The following RTN3 variants were observed in gnomAD, a reference collection of about 807,000 sequenced individuals.
RTN3 encodes the protein reticulon-3.
Under a neutral mutation model 77.8 loss-of-function variants are expected in RTN3, and 49 were observed. That is an observed-to-expected ratio of 0.63 (90% CI 0.50 to 0.80). The LOEUF is 0.80. RTN3 is among the 30% of genes least tolerant of loss of function. RTN3 has a pLI of 0.00. For synonymous variants in RTN3, 464 were observed against 446.9 expected, an observed-to-expected ratio of 1.04 and a Z score of -0.48; for missense variants, 1,236 against 1,211.9, an observed-to-expected ratio of 1.02 and a Z score of -0.29.
At chr11:63,693,380 A>G (rs1428994311) in intron 1 of RTN3, among the ~76,000 whole-genome samples, 1 of 151,996 alleles carries the variant, frequency 6.6e-6, no homozygotes, top group Non-Finnish European at 1.5e-5. Flanking sequence ...CTACTTGGGA[A>G]GGCTGAGGCA....
intron 3 of RTN3, among the ~76,000 whole-genome samples, chr11:63,725,717 G>A (rs1203496762): frequency 6.6e-6 from 1 of 152,190 alleles, no homozygotes; most frequent in Non-Finnish European, 1.5e-5. Context: ...CTCCCAAAGT[G>A]CTGGAATTAC....
At position 63,720,457 on chromosome 11, in the gene RTN3, A is replaced by G. The variant is rs760867386; in HGVS notation, c.1955A>G (p.Glu652Gly). ...AAACATATAGATGATTCCTCCCCAG[A>G]GGACCTGATAGCAGCCTTTACAGAA... ...NVKHIDDSSPEDLIAAFTETR... is the reference protein window; with the variant it reads ...NVKHIDDSSPGDLIAAFTETR... Residue 652 changes from glutamate (E) to glycine (G), a missense_variant, in exon 3 of 9, where the codon GAG (glutamate) becomes GGG (glycine). Glu to Gly is a moderately conservative substitution (Grantham distance 98). Coordinates refer to ENST00000377819, the MANE Select transcript of RTN3 (RefSeq NM_001265589.2). The G allele has an allele frequency of 6.2e-7, 1 of 1,613,460 alleles. No homozygotes were observed. The highest frequency in any genetic ancestry group is 1.7e-5 in the Admixed American group (1 of 59,938).
intron 8 of RTN3, among the ~76,000 whole-genome samples, chr11:63,756,656 C>CA (rs2014395689): frequency 6.6e-6 from 1 of 152,216 alleles, no homozygotes; most frequent in African/African-American, 2.4e-5. Context: ...GGCTGAAGTG[C>CA]AGTCTCGACC....
chr11:63,753,988 A>G (rs1287865150), intron 7 of RTN3, among the ~76,000 whole-genome samples: 1 of 152,210 alleles, frequency 6.6e-6, no homozygotes, highest in Non-Finnish European at 1.5e-5. Context: ...TGCAAAAGTA[A>G]TAAGTTGAAA....
chr11:63,697,209 A>G (rs1942004067), intron 1 of RTN3, among the ~76,000 whole-genome samples: 2 of 151,990 alleles, frequency 1.3e-5, no homozygotes, highest in African/African-American at 4.8e-5. Context: ...GAAAATTTTA[A>G]AAATAAGAAT....
chr11:63,696,937 T>A (rs1941985626), intron 1 of RTN3, among the ~76,000 whole-genome samples: 1 of 127,254 alleles, frequency 7.9e-6, no homozygotes, highest in South Asian at 2.7e-4. Context: ...CAGGCTGGAG[T>A]GCAGTGGCGT....
intron 3 of RTN3, among the ~76,000 whole-genome samples, chr11:63,723,983 G>T (rs1321115217): frequency 6.6e-6 from 1 of 152,052 alleles, no homozygotes; most frequent in African/African-American, 2.4e-5. Context: ...AAGAAAATCA[G>T]ATCCCTGCCT....
intron 4 of RTN3, 74 bp from the exon 5 acceptor site, chr11:63,752,433 A>G: frequency 6.9e-7 from 1 of 1,450,132 alleles, no homozygotes; most frequent in Non-Finnish European, 9.5e-7. Flanking sequence ...CCAATTTTAC[A>G]TTCTCAGTAA....
intron 3 of RTN3, among the ~76,000 whole-genome samples, chr11:63,734,750 CA>C (rs2012954498): frequency 6.7e-6 from 1 of 148,162 alleles, no homozygotes; most frequent in Non-Finnish European, 1.5e-5. Flanking sequence ...CACACACACA[CA>C]CACACACACA....
intron 5 of RTN3, 35 bp downstream of exon 5, chr11:63,752,680 G>A: frequency 1.2e-5 from 20 of 1,600,828 alleles, no homozygotes; most frequent in Admixed American, 1.7e-5. Context: ...TGGTAAAACA[G>A]AAAAAGCAGG....
At chr11:63,689,865 C>G (rs1167656317) in intron 1 of RTN3, among the ~76,000 whole-genome samples, 2 of 152,084 alleles carry the variant, frequency 1.3e-5, no homozygotes, top group African/African-American at 2.4e-5. Context: ...TCAAGCGATT[C>G]TCCTGCCTCA....
intron 2 of RTN3, among the ~76,000 whole-genome samples, chr11:63,709,805 A>G (rs1480086212): frequency 6.6e-6 from 1 of 152,190 alleles, no homozygotes; most frequent in Admixed American, 6.5e-5. Context: ...TCAAATGAAT[A>G]TGCATAGTAT....
At chr11:63,736,968 G>A (rs2013164017) in intron 3 of RTN3, among the ~76,000 whole-genome samples, 1 of 149,956 alleles carries the variant, frequency 6.7e-6, no homozygotes. Flanking sequence ...AGCTATCATA[G>A]AATCCTTTTT....
intron 3 of RTN3, among the ~76,000 whole-genome samples, chr11:63,743,845 G>A (rs2013631733): frequency 6.6e-6 from 1 of 152,078 alleles, no homozygotes; most frequent in Non-Finnish European, 1.5e-5. Context: ...GAACCCGGGA[G>A]CCAGAGGTTG....
chr11:63,742,145 A>G (rs537995013), intron 3 of RTN3, among the ~76,000 whole-genome samples: 5 of 150,932 alleles, frequency 3.3e-5, no homozygotes, highest in African/African-American at 1.2e-4. Context: ...ACACCCGGCT[A>G]ATTTTTTGTA....
intron 2 of RTN3, among the ~76,000 whole-genome samples, chr11:63,718,268 G>A (rs1168621433): frequency 1.3e-5 from 2 of 152,098 alleles, no homozygotes; most frequent in Non-Finnish European, 2.9e-5. Context: ...GCTCTGAATT[G>A]TTCAGCTTAC....
rs575329382 is a variant in RTN3 at position 63,752,369 on chromosome 11, C to T, written c.2739-138C>T. Reference sequence around the variant, plus strand: ...ACTAAATGACAGTGTGTCTCCACCCCACCTGATGACAACAAAAAAATGCTC... The same window carrying T: ...ACTAAATGACAGTGTGTCTCCACCCTACCTGATGACAACAAAAAAATGCTC... On this transcript the variant is annotated intron_variant, in intron 4 of 8. Transcript: ENST00000377819. 2.1e-5 allele frequency: 15 copies of T among 723,012 alleles called. No homozygotes were observed. In the African/African-American group the frequency reaches 2.5e-4, roughly 12 times the overall value. The allele number at this position is 723,012 out of a possible 1,614,324, so 44.8% of individuals were successfully genotyped here. A position where few individuals can be genotyped will look rare whatever the true frequency, so the allele number is the denominator to read the frequency against.
intron 3 of RTN3, among the ~76,000 whole-genome samples, chr11:63,726,360 T>C (rs765388103): frequency 3.3e-5 from 5 of 152,126 alleles, no homozygotes; most frequent in Non-Finnish European, 4.4e-5. Flanking sequence ...GGCTTAAACC[T>C]TCATAGAAAA....
chr11:63,729,658 T>C (rs1056800280), intron 3 of RTN3, among the ~76,000 whole-genome samples: 2 of 151,600 alleles, frequency 1.3e-5, no homozygotes, highest in African/African-American at 4.8e-5. Context: ...CAGAGTCTCA[T>C]TATGTTGCCA....
Sources: gnomAD v4.1 joint callset for allele counts (sites outside exome capture counted in the v4.1 genomes callset) on GRCh38, gnomAD v4.1.1 for gene constraint, MANE v1.5 for transcripts, NCBI Gene and HGNC (gene_info 2026-07-23, HGNC 2026-07-21) for gene names.